Variants in NSUN6 observed in about 807,000 individuals in gnomAD.
NSUN6 encodes the protein NOP2/Sun RNA methyltransferase 6, also known as tRNA (cytosine(72)-C(5))-methyltransferase NSUN6.
NSUN6 carries 64 observed loss-of-function variants against 58.0 expected under a neutral mutation model. The ratio of observed to expected loss-of-function variants is 1.10; its 90% confidence interval spans 0.90 to 1.36. NSUN6 has a LOEUF of 1.36. Ranked by LOEUF, NSUN6 falls within the 40% of genes most tolerant of loss-of-function variation. The probability of loss-of-function intolerance (pLI) is 0.00; values close to 1 mark genes in which losing one functional copy is unlikely to be tolerated. For missense variants in NSUN6, 701 were observed against 550.1 expected (o/e 1.27, Z -2.74); for synonymous variants, 231 against 193.9 (o/e 1.19, Z -1.59).
Position 18,634,297 on chromosome 10 carries a change from T to G in NSUN6, c.311+8179A>C, listed in dbSNP as rs78196526. ...AATAAAGGACAATAAAACCTCTGAA[T>G]AAAGATTTAGAAGCAGAGATAAGTA... On this transcript the variant is annotated intron_variant, in intron 3 of 10. Transcript: ENST00000377304. Among the ~76,000 whole-genome samples the G allele has an allele frequency of 8.3e-3, 1,269 of 152,242 alleles. 14 individuals are homozygous for G. Among genetic ancestry groups the G allele is most frequent in the South Asian group, 0.033 (160 of 4,820 alleles).
chr10:18,576,793 T>C (rs1266698649), intron 8 of NSUN6, among the ~76,000 whole-genome samples: 1 of 152,192 alleles, frequency 6.6e-6, no homozygotes, highest in Non-Finnish European at 1.5e-5. Flanking sequence ...GGTATTGTGG[T>C]AGACCTTTAC....
intron 8 of NSUN6, among the ~76,000 whole-genome samples, chr10:18,571,475 C>T (rs545699852): frequency 6.6e-6 from 1 of 151,450 alleles, no homozygotes; most frequent in South Asian, 2.1e-4. Context: ...ATCCATTCTC[C>T]ATTCCATTCC....
intron 8 of NSUN6, among the ~76,000 whole-genome samples, chr10:18,571,701 CCATTCCATTCCATTCTCTATTCCATTCCA>C (rs2056374856): frequency 6.6e-6 from 1 of 151,616 alleles, no homozygotes; most frequent in Non-Finnish European, 1.5e-5. Context: ...ATTCCATTCT[CCATTCCATTCCATTCTCTATTCCATTCCA>C]CATTCCATTC....
chr10:18,565,380 CTTCCATTCCATACCATTCTCCA>C (rs1485574292), intron 8 of NSUN6, among the ~76,000 whole-genome samples: 5 of 148,462 alleles, frequency 3.4e-5, no homozygotes, highest in Middle Eastern at 3.5e-3. Context: ...ATTTCATTCC[CTTCCATTCCATACCATTCTCCA>C]TTCCATTCCA....
chr10:18,572,072 T>G (rs905521375), intron 8 of NSUN6, among the ~76,000 whole-genome samples: 7 of 151,712 alleles, frequency 4.6e-5, no homozygotes, highest in African/African-American at 1.7e-4. Flanking sequence ...AATTCCATTC[T>G]CCATTCCATT....
At chr10:18,555,028 GTGGAATGGAGAA>G (rs1339784327) in intron 8 of NSUN6, among the ~76,000 whole-genome samples, 3 of 118,400 alleles carry the variant, frequency 2.5e-5, no homozygotes. Flanking sequence ...GGAATGGAGA[GTGGAATGGAGAA>G]TGGAATGGAA....
chr10:18,562,405 C>T (rs187281249), intron 8 of NSUN6, among the ~76,000 whole-genome samples: 4 of 111,514 alleles, frequency 3.6e-5, no homozygotes, highest in Non-Finnish European at 5.6e-5. Context: ...GAATGGAGAA[C>T]GGAATGGAAT....
At chr10:18,616,353 TC>T (rs1249301255) in intron 3 of NSUN6, 60 bp from the exon 4 acceptor site, 2 of 994,046 alleles carry the variant, frequency 2.0e-6, no homozygotes, top group African/African-American at 3.2e-5. Flanking sequence ...TACCAATTTT[TC>T]CCGTGTTCTA....
intron 3 of NSUN6, among the ~76,000 whole-genome samples, chr10:18,629,166 T>C (rs2058937872): frequency 1.3e-5 from 2 of 152,058 alleles, no homozygotes; most frequent in Non-Finnish European, 2.9e-5. Context: ...GCTTCATAAG[T>C]GAAGGAAAAA....
intron 6 of NSUN6, among the ~76,000 whole-genome samples, chr10:18,609,264 T>C (rs1043678322): frequency 1.3e-5 from 2 of 152,102 alleles, no homozygotes; most frequent in East Asian, 1.9e-4. Flanking sequence ...TGAGCTACGA[T>C]TGTACCACTG....
intron 9 of NSUN6, 50 bp from the exon 10 acceptor site, chr10:18,548,287 T>C: frequency 4.6e-6 from 7 of 1,518,444 alleles, no homozygotes; most frequent in East Asian, 2.3e-5. Flanking sequence ...CAGATAAACA[T>C]ATGAATGAAT....
At chr10:18,580,039 A>G (rs149410408) in intron 8 of NSUN6, among the ~76,000 whole-genome samples, 144 of 152,180 alleles carry the variant, frequency 9.5e-4, no homozygotes, top group African/African-American at 3.3e-3. Flanking sequence ...CTGAAACTGT[A>G]TTACTTTGAG....
At chr10:18,600,941 A>ATATATATAT (rs1554869914) in intron 6 of NSUN6, among the ~76,000 whole-genome samples, 2 of 43,532 alleles carry the variant, frequency 4.6e-5, no homozygotes, top group African/African-American at 1.6e-4. Context: ...AAAAAAAAAA[A>ATATATATAT]ATATATATAT....
At chr10:18,557,998 G>A (rs2055175329) in intron 8 of NSUN6, among the ~76,000 whole-genome samples, 1 of 151,072 alleles carries the variant, frequency 6.6e-6, no homozygotes, top group South Asian at 2.1e-4. Context: ...CAACTGAATG[G>A]GATGGACATG....
At chr10:18,659,209 CTG>C (rs1211815485), upstream of NSUN6, 8 of 173,074 alleles carry the variant, frequency 4.6e-5, no homozygotes, top group Admixed American at 1.3e-4. Context: ...TTCCCAGCCG[CTG>C]GCCGTTTGGG....
chr10:18,653,386 G>A, upstream of NSUN6: 2 of 918,606 alleles, frequency 2.2e-6, no homozygotes, highest in Non-Finnish European at 2.6e-6. Flanking sequence ...TTTTTTGTTT[G>A]TTTGAGATGG....
At chr10:18,596,441 GCT>G (rs1205633157) in intron 6 of NSUN6, 114 bp from the exon 7 acceptor site, 2 of 614,996 alleles carry the variant, frequency 3.3e-6, no homozygotes, top group African/African-American at 3.7e-5. Flanking sequence ...CCTCACGTCT[GCT>G]AAGAGGACAA....
At chr10:18,590,676 T>G (rs1293692560) in intron 7 of NSUN6, among the ~76,000 whole-genome samples, 2 of 152,212 alleles carry the variant, frequency 1.3e-5, no homozygotes, top group East Asian at 3.9e-4. Context: ...TAAAACAATT[T>G]AGGCAGAAAT....
chr10:18,578,713 T>C (rs990015570), intron 8 of NSUN6, among the ~76,000 whole-genome samples: 1 of 152,160 alleles, frequency 6.6e-6, no homozygotes, highest in Non-Finnish European at 1.5e-5. Context: ...TGAATTCCAG[T>C]AAAACACAGC....
Sources: allele counts gnomAD v4.1 joint callset (sites outside exome capture counted in the v4.1 genomes callset), GRCh38; gene constraint gnomAD v4.1.1; transcripts MANE v1.5; gene names NCBI Gene and HGNC (gene_info 2026-07-23, HGNC 2026-07-21).